The following PAX5 variants were observed in gnomAD, a reference collection of about 807,000 sequenced individuals.
The protein encoded by PAX5 is paired box 5.
In PAX5, 9 loss-of-function variants were observed where a neutral mutation model predicts 43.7. That is an observed-to-expected ratio of 0.21 (90% CI 0.12 to 0.36). The LOEUF is 0.36. PAX5 is among the 10% of genes least tolerant of loss of function. The pLI, the probability that PAX5 is intolerant of heterozygous loss-of-function variation, is 1.00. For synonymous variants in PAX5, 228 were observed against 214.3 expected, an observed-to-expected ratio of 1.06 and a Z score of -0.56; for missense variants, 383 against 532.7, an observed-to-expected ratio of 0.72 and a Z score of 2.77.
At position 36,835,240 on chromosome 9, in the gene PAX5, AG is replaced by A. The variant is rs1821558717; in HGVS notation, c.*5319del. ...AGGGGACCCCTTGGATTGAAACTCT[AG>A]AATGGCAGTGACATGATTCTGAGGT... On this transcript the variant is annotated 3_prime_UTR_variant, in exon 10 of 10. Coordinates refer to ENST00000358127, the MANE Select transcript of PAX5 (RefSeq NM_016734.3). 3 of 233,124 alleles carry A rather than the reference AG, an allele frequency of 1.3e-5. No individual in the cohort carries two copies. The East Asian group carries it at 1.8e-4, about 14-fold the overall frequency. 14.4% of individuals were successfully genotyped at this position (233,124 alleles called of 1,614,324 possible). A position where few individuals can be genotyped will look rare whatever the true frequency, so the allele number is the denominator to read the frequency against.
chr9:36,925,157 C>G (rs1402409811), intron 6 of PAX5, among the ~76,000 whole-genome samples: 1 of 152,168 alleles, frequency 6.6e-6, no homozygotes, highest in East Asian at 1.9e-4. Flanking sequence ...TCAGAGATTA[C>G]TTCCTGGGCA....
intron 2 of PAX5, among the ~76,000 whole-genome samples, chr9:37,017,389 C>T (rs889078035): frequency 4.6e-5 from 7 of 152,150 alleles, no homozygotes; most frequent in Admixed American, 6.5e-5. Flanking sequence ...GTGCTCTTCC[C>T]GCTACAGCAA....
At chr9:36,916,636 T>G (rs202177806) in intron 7 of PAX5, among the ~76,000 whole-genome samples, 3 of 151,106 alleles carry the variant, frequency 2.0e-5, no homozygotes, top group South Asian at 2.1e-4. Context: ...CCAGGTGAGA[T>G]ATATATATAT....
chr9:37,013,887 G>A (rs1162637350), intron 3 of PAX5, among the ~76,000 whole-genome samples: 4 of 152,218 alleles, frequency 2.6e-5, no homozygotes, highest in Non-Finnish European at 5.9e-5. Context: ...ACAGCGATCT[G>A]TGCATTTGAA....
chr9:36,986,694 C>T (rs1836452919), intron 5 of PAX5, among the ~76,000 whole-genome samples: 1 of 152,208 alleles, frequency 6.6e-6, no homozygotes, highest in Non-Finnish European at 1.5e-5. Flanking sequence ...GAGCTAGGCC[C>T]ACGGGGCGCC....
In PAX5 at chr9:36,840,639, G is replaced by A; in HGVS notation, c.1100-3C>T. 1.3e-6 allele frequency: 2 copies of A among 1,554,490 alleles called. No homozygotes were observed. The highest frequency in any genetic ancestry group is 1.7e-6 in the Non-Finnish European group (2 of 1,146,496). On this transcript the variant is annotated splice_polypyrimidine_tract_variant and splice_region_variant and intron_variant, in intron 9 of 9. Transcript: ENST00000358127. ...AGCGCTATAATAGTAGGGGGAGCCT[G>A]GAAGAGACGGGAGAGAGCACCGAGG...
intron 5 of PAX5, among the ~76,000 whole-genome samples, chr9:36,989,238 A>G (rs886380453): frequency 6.6e-6 from 1 of 152,222 alleles, no homozygotes; most frequent in African/African-American, 2.4e-5. Flanking sequence ...TCAAAGCCCC[A>G]TGTTGGAGAG....
chr9:36,877,521 C>A (rs942957221), intron 8 of PAX5, among the ~76,000 whole-genome samples: 10 of 152,294 alleles, frequency 6.6e-5, no homozygotes, highest in Admixed American at 6.5e-4. Context: ...TGCAGCATAG[C>A]AACCTCAGAG....
At chr9:36,976,680 T>C (rs532562606) in intron 5 of PAX5, among the ~76,000 whole-genome samples, 1 of 152,368 alleles carries the variant, frequency 6.6e-6, no homozygotes, top group African/African-American at 2.4e-5. Context: ...AGCCATTTGT[T>C]TCACTCAATC....
chr9:36,942,222 A>T (rs530705088), intron 6 of PAX5, among the ~76,000 whole-genome samples: 35 of 152,346 alleles, frequency 2.3e-4, no homozygotes, highest in Middle Eastern at 3.4e-3. Flanking sequence ...GGGTATCCCC[A>T]TTCCCATCCC....
chr9:36,940,437 T>A (rs78795657), intron 6 of PAX5, among the ~76,000 whole-genome samples: 2,146 of 152,200 alleles, frequency 0.014, 31 homozygotes, highest in Non-Finnish European at 0.02. Flanking sequence ...CCACTCTTTG[T>A]GGAAATTATT....
intron 6 of PAX5, among the ~76,000 whole-genome samples, chr9:36,942,029 G>A (rs537214079): frequency 6.6e-5 from 10 of 152,346 alleles, no homozygotes; most frequent in Non-Finnish European, 1.2e-4. Flanking sequence ...CACTTTGCAC[G>A]TGTTATCTCA....
intron 6 of PAX5, chr9:36,930,817 C>A (rs1482973280): frequency 1.2e-5 from 16 of 1,299,084 alleles, no homozygotes; most frequent in South Asian, 8.6e-5. Context: ...GGAATTCTAG[C>A]AAGGGACTCA....
intron 8 of PAX5, among the ~76,000 whole-genome samples, chr9:36,875,370 A>G (rs1194123521): frequency 6.6e-6 from 1 of 152,246 alleles, no homozygotes; most frequent in East Asian, 1.9e-4. Flanking sequence ...AGCCTTGATT[A>G]TTGTACAGCT....
intron 1 of PAX5, among the ~76,000 whole-genome samples, chr9:37,029,544 C>G (rs372516776): frequency 9.2e-5 from 14 of 152,344 alleles, no homozygotes; most frequent in Non-Finnish European, 1.3e-4. Flanking sequence ...GGCCTTGGAG[C>G]AGGAAGATCG....
At chr9:36,987,973 A>C (rs73648183) in intron 5 of PAX5, among the ~76,000 whole-genome samples, 2,257 of 152,290 alleles carry the variant, frequency 0.015, 50 homozygotes, top group African/African-American at 0.05. Context: ...ACTATTCAGA[A>C]GTGCTGGATG....
At chr9:36,946,577 T>C (rs1326142106) in intron 6 of PAX5, among the ~76,000 whole-genome samples, 1 of 152,260 alleles carries the variant, frequency 6.6e-6, no homozygotes, top group Admixed American at 6.5e-5. Flanking sequence ...TCCAAAGCAA[T>C]GAGAGGTTTG....
rs768710679 is a variant in PAX5, at chr9:37,002,763, G to A, written c.489C>T (p.Ser163=). The A allele has an allele frequency of 1.9e-6, 3 of 1,609,382 alleles. No individual in the cohort carries two copies. The highest frequency in any genetic ancestry group is 1.3e-5 in the African/African-American group (1 of 75,016). ...TGCTCACCGAGGACACCTGCGTCAC[G>A]GAGCCAGTGGACACTGCGCGGAGAA... ...ASSHSIVSTG[S]VTQVSSVSTD... Residue 163 remains serine, a synonymous_variant, in exon 5 of 10, where the codon TCC becomes TCT. Transcript: ENST00000358127.
intron 7 of PAX5, among the ~76,000 whole-genome samples, chr9:36,917,918 T>C (rs1030843706): frequency 1.2e-4 from 19 of 152,312 alleles, no homozygotes; most frequent in African/African-American, 4.1e-4. Flanking sequence ...ATCAGTGATC[T>C]TTGATATTCC....
Sources: gnomAD v4.1 joint callset for allele counts (sites outside exome capture counted in the v4.1 genomes callset) on GRCh38, gnomAD v4.1.1 for gene constraint, MANE v1.5 for transcripts, NCBI Gene and HGNC (gene_info 2026-07-23, HGNC 2026-07-21) for gene names.